The following SLC35F4 variants were observed in gnomAD, a reference collection of about 807,000 sequenced individuals.
SLC35F4 encodes chromosome 14 open reading frame 36.
A neutral mutation model predicts 44.2 loss-of-function variants in SLC35F4; 24 were observed. The observed-to-expected ratio is 0.54, with a 90% CI of 0.39 to 0.76. SLC35F4 has a LOEUF of 0.76. SLC35F4 is among the 30% of genes least tolerant of loss of function. SLC35F4 has a pLI of 0.00. For synonymous variants in SLC35F4, 238 were observed against 223.6 expected (o/e 1.06, Z -0.57); for missense variants, 562 against 586.1 (o/e 0.96, Z 0.42).
chr14:57,707,482 C>G (rs918591429), intron 1 of SLC35F4, among the ~76,000 whole-genome samples: 5 of 152,174 alleles, frequency 3.3e-5, no homozygotes, highest in African/African-American at 1.2e-4. Flanking sequence ...TACCTTACTT[C>G]CCCTTCACGT....
chr14:57,621,458 AC>A, intron 1 of SLC35F4, among the ~76,000 whole-genome samples: 1 of 152,222 alleles, frequency 6.6e-6, no homozygotes, highest in East Asian at 1.9e-4. Context: ...TGGTACTGGT[AC>A]CAAAACAGAG....
At chr14:57,776,967 G>A (rs2077504778) in intron 1 of SLC35F4, among the ~76,000 whole-genome samples, 1 of 152,174 alleles carries the variant, frequency 6.6e-6, no homozygotes, top group Admixed American at 6.5e-5. Flanking sequence ...GGAAAGGAAA[G>A]ATGGTTATCA....
chr14:57,950,971 G>C (rs1890129159), intron 1 of SLC35F4, among the ~76,000 whole-genome samples: 1 of 152,108 alleles, frequency 6.6e-6, no homozygotes, highest in Non-Finnish European at 1.5e-5. Context: ...GGCCTGGATA[G>C]ACTGTTTCTT....
At chr14:57,954,111 G>C (rs1187867152) in intron 1 of SLC35F4, among the ~76,000 whole-genome samples, 1 of 152,138 alleles carries the variant, frequency 6.6e-6, no homozygotes, top group Non-Finnish European at 1.5e-5. Context: ...CTAGAACTCA[G>C]GATTAGGAAA....
chr14:57,738,581 T>C (rs537290280), intron 1 of SLC35F4, among the ~76,000 whole-genome samples: 1 of 151,898 alleles, frequency 6.6e-6, no homozygotes, highest in Admixed American at 6.6e-5. Flanking sequence ...TGCAAAGATG[T>C]TTAAGGGAAA....
intron 1 of SLC35F4, among the ~76,000 whole-genome samples, chr14:57,943,784 T>C (rs907236389): frequency 2.0e-5 from 3 of 152,226 alleles, no homozygotes; most frequent in Non-Finnish European, 4.4e-5. Flanking sequence ...AGTGCCAAGT[T>C]TGGTGAAGAA....
chr14:57,926,734 G>C (rs1046513206), intron 1 of SLC35F4, among the ~76,000 whole-genome samples: 12 of 146,598 alleles, frequency 8.2e-5, no homozygotes, highest in African/African-American at 2.0e-4. Flanking sequence ...TTGGGGGGGG[G>C]GGGTGGATAT....
At chr14:57,803,775 T>C (rs183334323) in intron 1 of SLC35F4, among the ~76,000 whole-genome samples, 25 of 151,828 alleles carry the variant, frequency 1.6e-4, no homozygotes, top group Non-Finnish European at 2.9e-4. Flanking sequence ...TTGTTAGTAG[T>C]GACAGGGTTT....
At chr14:57,952,200 C>A (rs1483056031) in intron 1 of SLC35F4, among the ~76,000 whole-genome samples, 1 of 152,114 alleles carries the variant, frequency 6.6e-6, no homozygotes, top group East Asian at 1.9e-4. Context: ...AGGGGCCTGG[C>A]TGTTAGGAGG....
chr14:57,591,833 C>A (rs1006513160), intron 2 of SLC35F4, among the ~76,000 whole-genome samples: 1 of 152,212 alleles, frequency 6.6e-6, no homozygotes, highest in Non-Finnish European at 1.5e-5. Flanking sequence ...CCAGGGACTA[C>A]CTTATAAAGG....
chr14:57,604,491 G>A (rs921582433), intron 1 of SLC35F4, among the ~76,000 whole-genome samples: 1 of 152,102 alleles, frequency 6.6e-6, no homozygotes, highest in Non-Finnish European at 1.5e-5. Flanking sequence ...CCATGCTCAT[G>A]GATTGGAAGA....
At chr14:57,701,633 C>T (rs540823272) in intron 1 of SLC35F4, among the ~76,000 whole-genome samples, 16 of 152,260 alleles carry the variant, frequency 1.1e-4, no homozygotes, top group African/African-American at 3.9e-4. Context: ...ACTATAATTT[C>T]ACGGGACCAC....
chr14:57,587,541 G>A (rs1029202467), intron 3 of SLC35F4, among the ~76,000 whole-genome samples: 3 of 152,188 alleles, frequency 2.0e-5, no homozygotes. Flanking sequence ...AACACTGCAT[G>A]TTCTCACTCA....
At chr14:57,589,987 G>T (rs2070054902) in intron 2 of SLC35F4, among the ~76,000 whole-genome samples, 1 of 152,094 alleles carries the variant, frequency 6.6e-6, no homozygotes, top group African/African-American at 2.4e-5. Context: ...TGTTCTTTCT[G>T]TGTGGGAACA....
intron 1 of SLC35F4, among the ~76,000 whole-genome samples, chr14:57,805,256 A>G (rs1881173156): frequency 1.3e-5 from 2 of 152,328 alleles, no homozygotes; most frequent in South Asian, 4.1e-4. Context: ...GTGACCCAGC[A>G]ATCCCATTAC....
At chr14:57,859,622 G>A (rs1327170299) in intron 1 of SLC35F4, among the ~76,000 whole-genome samples, 1 of 152,142 alleles carries the variant, frequency 6.6e-6, no homozygotes, top group Non-Finnish European at 1.5e-5. Context: ...TTGATTAGGG[G>A]TGTGAGATGA....
intron 1 of SLC35F4, 107 bp downstream of exon 1, chr14:57,865,616 G>A (rs1888094354): frequency 5.8e-6 from 5 of 861,728 alleles, no homozygotes; most frequent in Non-Finnish European, 8.4e-6. Flanking sequence ...GCGTCCGCAG[G>A]GCTGCAGGTG....
intron 1 of SLC35F4, among the ~76,000 whole-genome samples, chr14:57,820,641 T>G (rs1883079689): frequency 6.6e-6 from 1 of 152,254 alleles, no homozygotes; most frequent in South Asian, 2.1e-4. Context: ...AAAATGTATC[T>G]GCGGAATGAG....
intron 1 of SLC35F4, among the ~76,000 whole-genome samples, chr14:57,977,316 C>T (rs932653819): frequency 1.3e-5 from 2 of 152,208 alleles, no homozygotes; most frequent in African/African-American, 4.8e-5. Flanking sequence ...GCTTGAACCA[C>T]ATGGCCCAAT....
Sources: allele counts gnomAD v4.1 joint callset (sites outside exome capture counted in the v4.1 genomes callset), GRCh38; gene constraint gnomAD v4.1.1; transcripts MANE v1.5; gene names NCBI Gene and HGNC (gene_info 2026-07-23, HGNC 2026-07-21).